NCR1: variants seen among roughly 807,000 people sequenced by gnomAD.
NCR1 encodes natural cytotoxicity triggering receptor 1.
NCR1 carries 30 observed loss-of-function variants against 32.5 expected under a neutral mutation model. The observed-to-expected ratio is 0.92, with a 90% CI of 0.69 to 1.25. The LOEUF is 1.25. Among genes scored for constraint, NCR1 ranks in the 50% most tolerant of loss-of-function variants. The pLI, the probability that NCR1 is intolerant of heterozygous loss-of-function variation, is 0.00. For missense variants in NCR1, 369 were observed against 380.7 expected (o/e 0.97, Z 0.26); for synonymous variants, 169 against 143.4 (o/e 1.18, Z -1.28).
In NCR1 at chr19:54,912,928, G is replaced by T; in HGVS notation, c.*57G>T. The stretch of plus-strand genomic sequence containing the variant: ...GGATCTGAAAGCTGGTGTTGAGCCT[G>T]GGCGGCGTGAGCTCTGTGTTGGACC... On this transcript the variant is annotated 3_prime_UTR_variant, in exon 7 of 7. Transcript: ENST00000291890. 1.9e-6 allele frequency: 3 copies of T among 1,557,066 alleles called. No homozygotes were observed. The highest frequency in any genetic ancestry group is 1.7e-6 in the Non-Finnish European group (2 of 1,146,606).
At chr19:54,930,064 G>A in the NCR1 span, among the ~76,000 whole-genome samples, 776 of 146,422 alleles carry the variant, frequency 5.3e-3, 11 homozygotes, top group African/African-American at 0.018. Context: ...GCAGTAAGCC[G>A]AGATCGCGCC....
the NCR1 span, chr19:54,927,553 C>G: frequency 6.4e-7 from 1 of 1,565,748 alleles, no homozygotes; most frequent in Non-Finnish European, 8.7e-7. Flanking sequence ...ACGACTCCAT[C>G]TCAAAAAAAC....
At chr19:54,907,880 T>G (rs2067715192) in intron 3 of NCR1, among the ~76,000 whole-genome samples, 1 of 152,256 alleles carries the variant, frequency 6.6e-6, no homozygotes, top group Non-Finnish European at 1.5e-5. Flanking sequence ...CATATACTTG[T>G]GTTGAAATAT....
At chr19:54,918,675 C>T (rs2068182170), downstream of NCR1, among the ~76,000 whole-genome samples, 1 of 152,026 alleles carries the variant, frequency 6.6e-6, no homozygotes, top group Admixed American at 6.6e-5. Context: ...AGCTTAGCTC[C>T]CACTGAGAAC....
At chr19:54,916,700 C>CTTTTT (rs1378103452), downstream of NCR1, among the ~76,000 whole-genome samples, 1 of 106,482 alleles carries the variant, frequency 9.4e-6, no homozygotes, top group Non-Finnish European at 1.9e-5. Context: ...ATCAACTGTT[C>CTTTTT]TATTTTTTTT....
rs943790324 is a variant in NCR1 at position 54,906,672 on chromosome 19, C to G, written c.220C>G (p.Pro74Ala). 1.9e-6 allele frequency: 3 copies of G among 1,614,204 alleles called. No individual in the cohort carries two copies. Among genetic ancestry groups the G allele is most frequent in the Admixed American group, 3.3e-5 (2 of 60,022 alleles). Residue 74 changes from proline to alanine, a missense_variant, in exon 3 of 7, where the codon CCC becomes GCC. Coordinates refer to ENST00000291890, the MANE Select transcript of NCR1 (RefSeq NM_004829.7). ...CCTTTTTGCCGTGGACAGACCAAAA[C>G]CCCCTGAGCGGATTAACAAAGTCCA... ...GSLFAVDRPK[P>A]PERINKVQFY...
the NCR1 span, among the ~76,000 whole-genome samples, chr19:54,900,305 T>A: frequency 6.6e-6 from 1 of 150,880 alleles, no homozygotes; most frequent in Admixed American, 6.6e-5. Context: ...GAGATAGGAG[T>A]GCGGCCGTTT....
intron 5 of NCR1, among the ~76,000 whole-genome samples, chr19:54,911,199 A>C (rs952839860): frequency 2.6e-5 from 4 of 151,764 alleles, no homozygotes; most frequent in African/African-American, 9.7e-5. Flanking sequence ...AAATACAAAA[A>C]TTATCCGGGC....
At chr19:54,925,924 C>A in the NCR1 span, among the ~76,000 whole-genome samples, 1 of 151,270 alleles carries the variant, frequency 6.6e-6, no homozygotes, top group African/African-American at 2.4e-5. Context: ...GGCGTGAACC[C>A]GGGAGGTGGA....
At chr19:54,898,534 C>G in the NCR1 span, among the ~76,000 whole-genome samples, 1 of 152,086 alleles carries the variant, frequency 6.6e-6, no homozygotes, top group African/African-American at 2.4e-5. Context: ...ACCTTGAAGG[C>G]GAGGTTAATT....
At chr19:54,909,580 G>A in intron 4 of NCR1, 57 bp downstream of exon 4, 1 of 1,553,450 alleles carries the variant, frequency 6.4e-7, no homozygotes, top group Non-Finnish European at 8.7e-7. Context: ...CTGGAGCCCT[G>A]AGGGATCCCC....
chr19:54,922,672 G>A, the NCR1 span, among the ~76,000 whole-genome samples: 4 of 151,240 alleles, frequency 2.6e-5, no homozygotes, highest in Non-Finnish European at 5.9e-5. Flanking sequence ...CCGGCTACTC[G>A]GAAGGCTGAG....
downstream of NCR1, among the ~76,000 whole-genome samples, chr19:54,917,802 A>T (rs1415700450): frequency 6.6e-6 from 1 of 152,178 alleles, no homozygotes; most frequent in Non-Finnish European, 1.5e-5. Flanking sequence ...GCAGCCCCAG[A>T]TGGCAGCAGC....
chr19:54,909,621 G>A lies in NCR1; in HGVS notation c.634+98G>A, dbSNP rs999616910. ...GTGATGGGGAGGGTGTCCAAGGGACGTCCACTTCCTGGGTGCCTGGTTGGT... is the reference window on the plus strand; with the variant it reads ...GTGATGGGGAGGGTGTCCAAGGGACATCCACTTCCTGGGTGCCTGGTTGGT... On this transcript the variant is annotated intron_variant, in intron 4 of 6. Transcript: ENST00000291890. The A allele has an allele frequency of 1.2e-4, 169 of 1,422,512 alleles. No individual in the cohort carries two copies. In the African/African-American group the frequency reaches 1.6e-3, roughly 13 times the overall value. The allele number at this position is 1,422,512 out of a possible 1,614,324, so 88.1% of individuals were successfully genotyped here.
the NCR1 span, chr19:54,936,206 C>T: frequency 2.6e-6 from 4 of 1,516,928 alleles, no homozygotes; most frequent in African/African-American, 1.4e-5. Flanking sequence ...GATCCCCCAG[C>T]AACACGGTGC....
the NCR1 span, among the ~76,000 whole-genome samples, chr19:54,932,390 T>C: frequency 3.4e-5 from 5 of 149,028 alleles, no homozygotes; most frequent in Non-Finnish European, 5.9e-5. Flanking sequence ...ATTACACCAC[T>C]GCATTCCAGT....
downstream of NCR1, among the ~76,000 whole-genome samples, chr19:54,913,590 T>C (rs1246887119): frequency 6.6e-6 from 1 of 152,182 alleles, no homozygotes. Context: ...CTGTATCAAA[T>C]GGTTCAGGAG....
upstream of NCR1, among the ~76,000 whole-genome samples, chr19:54,904,472 T>A (rs1569535961): frequency 6.6e-6 from 1 of 151,702 alleles, no homozygotes; most frequent in Non-Finnish European, 1.5e-5. Context: ...CTCCCCTCCT[T>A]ACCCAATGTT....
At chr19:54,924,727 G>T in the NCR1 span, among the ~76,000 whole-genome samples, 6 of 152,122 alleles carry the variant, frequency 3.9e-5, no homozygotes, top group Non-Finnish European at 7.4e-5. Context: ...CCTGAGGTCA[G>T]GAATTCGAGA....
Sources: gnomAD v4.1 joint callset for allele counts (sites outside exome capture counted in the v4.1 genomes callset) on GRCh38, gnomAD v4.1.1 for gene constraint, MANE v1.5 for transcripts, NCBI Gene and HGNC (gene_info 2026-07-23, HGNC 2026-07-21) for gene names.